Variants in SEC24D observed in about 807,000 individuals in gnomAD.
SEC24D encodes the protein protein transport protein Sec24D.
SEC24D carries 69 observed loss-of-function variants against 116.9 expected under a neutral mutation model. The observed-to-expected ratio is 0.59, with a 90% CI of 0.49 to 0.72. SEC24D has a LOEUF of 0.72. Among genes scored for constraint, SEC24D ranks in the 30% least tolerant of loss-of-function variants. The probability of loss-of-function intolerance (pLI) is 0.00; values close to 1 mark genes in which losing one functional copy is unlikely to be tolerated. For missense variants in SEC24D, 1,131 were observed against 1,264.1 expected, an observed-to-expected ratio of 0.89 and a Z score of 1.60; for synonymous variants, 405 against 442.8, an observed-to-expected ratio of 0.91 and a Z score of 1.07.
chr4:118,781,865 T>C (rs1728428676), intron 8 of SEC24D, among the ~76,000 whole-genome samples: 1 of 152,216 alleles, frequency 6.6e-6, no homozygotes, highest in Non-Finnish European at 1.5e-5. Context: ...TTTCTTCCAC[T>C]TGAAGGAATC....
At chr4:118,739,128 T>G (rs1302398366) in intron 18 of SEC24D, 21 bp downstream of exon 18, 4 of 1,612,150 alleles carry the variant, frequency 2.5e-6, no homozygotes, top group African/African-American at 1.3e-5. Context: ...TTACTGAACC[T>G]CAGGATTGGC....
intron 7 of SEC24D, among the ~76,000 whole-genome samples, chr4:118,805,319 A>G (rs554988026): frequency 2.6e-5 from 4 of 152,356 alleles, no homozygotes; most frequent in Admixed American, 2.6e-4. Context: ...CTATATTCTT[A>G]ACTTGTCATC....
At chr4:118,807,566 T>C (rs1373646620) in intron 6 of SEC24D, among the ~76,000 whole-genome samples, 1 of 150,802 alleles carries the variant, frequency 6.6e-6, no homozygotes, top group African/African-American at 2.4e-5. Flanking sequence ...CAGACTGGAA[T>C]AGTGTGTCCA....
chr4:118,741,092 T>G (rs1460101463), intron 15 of SEC24D, 55 bp from the exon 16 acceptor site: 1 of 862,400 alleles, frequency 1.2e-6, no homozygotes, highest in African/African-American at 1.7e-5. Flanking sequence ...ATACTTAAAA[T>G]AACGTTCTCA....
In SEC24D at chr4:118,810,137, T is replaced by TGTGTGTGTGTGTGTGG. The variant is rs56961502; in HGVS notation, c.802-4184_802-4183insCCACACACACACACAC. Reference sequence around the variant, plus strand: ...GTGTGTGTGTGTGTGTGTGTGTGTGTCAGAGGGTATAGGGGAGCCAGGGGT... The same window carrying TGTGTGTGTGTGTGTGG: ...GTGTGTGTGTGTGTGTGTGTGTGTGTGTGTGTGTGTGTGTGGCAGAGGGTATAGGGGAGCCAGGGGT... On this transcript the variant is annotated intron_variant, in intron 6 of 22. Transcript: ENST00000280551. Among the ~76,000 whole-genome samples, 965 of 104,366 alleles carry TGTGTGTGTGTGTGTGG rather than the reference T, an allele frequency of 9.2e-3. 71 individuals carry two copies. Among genetic ancestry groups the TGTGTGTGTGTGTGTGG allele is most frequent in the East Asian group, 0.015 (51 of 3,474 alleles). 68.5% of individuals were successfully genotyped at this position (104,366 alleles called of 152,430 possible). A position where few individuals can be genotyped will look rare whatever the true frequency, so the allele number is the denominator to read the frequency against.
intron 2 of SEC24D, among the ~76,000 whole-genome samples, chr4:118,825,870 TTC>T (rs1560763805): frequency 1.3e-5 from 2 of 152,122 alleles, no homozygotes; most frequent in Non-Finnish European, 1.5e-5. Flanking sequence ...ATTTCCTTTA[TTC>T]TGTTATATTC....
intron 3 of SEC24D, among the ~76,000 whole-genome samples, chr4:118,820,661 C>CTTT (rs35175042): frequency 2.0e-5 from 3 of 146,884 alleles, no homozygotes; most frequent in Admixed American, 6.7e-5. Flanking sequence ...GGAGTGATCC[C>CTTT]TTTTTTTTTT....
chr4:118,824,536 C>T (rs1730518178), intron 3 of SEC24D, 84 bp downstream of exon 3: 1 of 1,441,016 alleles, frequency 6.9e-7, no homozygotes, highest in African/African-American at 1.4e-5. Flanking sequence ...AAACTTTCAA[C>T]CAATAAACAT....
chr4:118,790,396 TTA>T (rs1728844373), intron 8 of SEC24D, among the ~76,000 whole-genome samples: 1 of 152,188 alleles, frequency 6.6e-6, no homozygotes, highest in East Asian at 1.9e-4. Flanking sequence ...CAAAATTAAA[TTA>T]GTTATAATCT....
chr4:118,817,384 C>T lies in SEC24D; in HGVS notation c.277G>A (p.Val93Met). The T allele has an allele frequency of 6.2e-7, 1 of 1,611,426 alleles. No individual in the cohort carries two copies. The highest frequency in any genetic ancestry group is 1.1e-5 in the South Asian group (1 of 90,664). The stretch of plus-strand genomic sequence containing the variant: ...TGGTATGGTGCATGTGAGGATGCCA[C>T]ATTGTTGACAGGTGGAGGGCCTGGA... The part of the protein sequence containing the change: ...RFPGPPPVNN[V>M]ASSHAPYQPS... The change falls in exon 4 of 23, where the codon GTG becomes ATG. Residue 93 changes from valine (V) to methionine (M), a missense_variant. Transcript: ENST00000280551.
At chr4:118,784,936 C>T (rs1422320266) in intron 8 of SEC24D, among the ~76,000 whole-genome samples, 2 of 152,086 alleles carry the variant, frequency 1.3e-5, no homozygotes, top group Admixed American at 6.5e-5. Context: ...CTGTTTTTAT[C>T]TGTTGGCAAT....
intron 10 of SEC24D, among the ~76,000 whole-genome samples, chr4:118,761,194 G>A (rs1422323217): frequency 1.3e-5 from 2 of 152,114 alleles, no homozygotes; most frequent in African/African-American, 4.8e-5. Context: ...CCTTCTCTGA[G>A]AACAGGAAAT....
chr4:118,778,570 G>T (rs1728253876), intron 8 of SEC24D, among the ~76,000 whole-genome samples: 1 of 152,170 alleles, frequency 6.6e-6, no homozygotes, highest in African/African-American at 2.4e-5. Context: ...TTTTTGCTTA[G>T]GATTGCTTTG....
intron 22 of SEC24D, among the ~76,000 whole-genome samples, chr4:118,726,944 C>A (rs1365230720): frequency 6.6e-6 from 1 of 152,162 alleles, no homozygotes; most frequent in African/African-American, 2.4e-5. Context: ...TAATCTTAAC[C>A]CTTTAAAAGT....
At chr4:118,772,767 T>C (rs990875635) in intron 8 of SEC24D, among the ~76,000 whole-genome samples, 5 of 152,174 alleles carry the variant, frequency 3.3e-5, no homozygotes, top group Non-Finnish European at 7.3e-5. Context: ...CACACGGCAG[T>C]ACACTGCGAT....
chr4:118,793,492 A>G (rs13113454), intron 8 of SEC24D, among the ~76,000 whole-genome samples: 1 of 139,676 alleles, frequency 7.2e-6, no homozygotes, highest in African/African-American at 2.6e-5. Flanking sequence ...AAAAAAAAAA[A>G]GAAGGCCCAA....
chr4:118,743,887 T>C (rs946333156), intron 15 of SEC24D, 101 bp downstream of exon 15: 7 of 1,044,380 alleles, frequency 6.7e-6, no homozygotes, highest in Admixed American at 2.7e-5. Context: ...TTTATATGTG[T>C]CATCTACCCA....
intron 8 of SEC24D, among the ~76,000 whole-genome samples, chr4:118,793,076 A>G (rs1729003256): frequency 6.6e-6 from 1 of 152,172 alleles, no homozygotes; most frequent in Non-Finnish European, 1.5e-5. Context: ...CAAATTAGAG[A>G]TCAGGAAAAT....
chr4:118,788,566 G>A (rs1728752755), intron 8 of SEC24D, among the ~76,000 whole-genome samples: 1 of 152,178 alleles, frequency 6.6e-6, no homozygotes, highest in Non-Finnish European at 1.5e-5. Flanking sequence ...ATATGTGATA[G>A]AAGAAACTGA....
Sources: allele counts gnomAD v4.1 joint callset (sites outside exome capture counted in the v4.1 genomes callset), GRCh38; gene constraint gnomAD v4.1.1; transcripts MANE v1.5; gene names NCBI Gene and HGNC (gene_info 2026-07-23, HGNC 2026-07-21).